The following CLNK variants were observed in gnomAD, a reference collection of about 807,000 sequenced individuals.
CLNK encodes the protein cytokine dependent hematopoietic cell linker.
A neutral mutation model predicts 68.6 loss-of-function variants in CLNK; 74 were observed. That is an observed-to-expected ratio of 1.08 (90% confidence interval 0.89 to 1.31). CLNK has a LOEUF of 1.31. Among genes scored for constraint, CLNK ranks in the 50% most tolerant of loss-of-function variants. The pLI, the probability that CLNK is intolerant of heterozygous loss-of-function variation, is 0.00. For missense variants in CLNK, 553 were observed against 515.3 expected, an observed-to-expected ratio of 1.07 and a Z score of -0.71; for synonymous variants, 198 against 172.2, an observed-to-expected ratio of 1.15 and a Z score of -1.17.
chr4:10,632,407 G>T (rs1178128125), intron 2 of CLNK, among the ~76,000 whole-genome samples: 5 of 152,242 alleles, frequency 3.3e-5, no homozygotes, highest in African/African-American at 1.2e-4. Flanking sequence ...TCAGGAGAGG[G>T]GGAGGGACTT....
At chr4:10,627,039 G>A (rs1179351435) in intron 2 of CLNK, among the ~76,000 whole-genome samples, 1 of 152,178 alleles carries the variant, frequency 6.6e-6, no homozygotes, top group East Asian at 1.9e-4. Context: ...CTACATCAGC[G>A]AGAGGTCAAA....
the CLNK span, among the ~76,000 whole-genome samples, chr4:10,690,604 G>A: frequency 6.6e-6 from 1 of 152,206 alleles, no homozygotes. Context: ...AGGACCTCAT[G>A]AGGCTAACAT....
At chr4:10,670,727 C>A (rs1461177615) in intron 1 of CLNK, among the ~76,000 whole-genome samples, 1 of 152,150 alleles carries the variant, frequency 6.6e-6, no homozygotes, top group African/African-American at 2.4e-5. Context: ...AAAATACAAT[C>A]CATCAATATT....
intron 8 of CLNK, among the ~76,000 whole-genome samples, chr4:10,548,494 G>A (rs1478402398): frequency 6.6e-6 from 1 of 152,184 alleles, no homozygotes. Context: ...CTGTGGAGAA[G>A]CTTTTTAGTT....
At chr4:10,727,297 G>T in the CLNK span, among the ~76,000 whole-genome samples, 1 of 152,176 alleles carries the variant, frequency 6.6e-6, no homozygotes, top group Non-Finnish European at 1.5e-5. Flanking sequence ...TTGCAGGTGG[G>T]GCTCATACTG....
chr4:10,619,143 C>T (rs1385861855), intron 2 of CLNK, among the ~76,000 whole-genome samples: 1 of 152,198 alleles, frequency 6.6e-6, no homozygotes, highest in Non-Finnish European at 1.5e-5. Flanking sequence ...AACTTGGTAA[C>T]ACATTAGTCC....
intron 7 of CLNK, among the ~76,000 whole-genome samples, chr4:10,564,307 C>G (rs1720011219): frequency 6.6e-6 from 1 of 152,180 alleles, no homozygotes; most frequent in South Asian, 2.1e-4. Flanking sequence ...TCATAATTTA[C>G]CATGTTGGGC....
chr4:10,615,585 C>T (rs1722199526), intron 2 of CLNK, among the ~76,000 whole-genome samples: 1 of 152,014 alleles, frequency 6.6e-6, no homozygotes, highest in Admixed American at 6.6e-5. Context: ...CAAAGAAGAG[C>T]CAGTAGAGTT....
the CLNK span, among the ~76,000 whole-genome samples, chr4:10,698,734 A>G: frequency 6.6e-6 from 1 of 152,202 alleles, no homozygotes; most frequent in African/African-American, 2.4e-5. Context: ...TTATGTGTCA[A>G]CTTGACTGGG....
intron 2 of CLNK, among the ~76,000 whole-genome samples, chr4:10,611,804 C>T (rs1722042355): frequency 1.3e-5 from 2 of 152,194 alleles, no homozygotes; most frequent in South Asian, 4.1e-4. Context: ...CTTCTTACTT[C>T]CTCCAATCCA....
At chr4:10,523,013 G>C (rs57723726) in intron 14 of CLNK, among the ~76,000 whole-genome samples, 2,605 of 152,302 alleles carry the variant, frequency 0.017, 80 homozygotes, top group African/African-American at 0.059. Flanking sequence ...AGGAAAGGGA[G>C]GGTGTGGAGA....
At chr4:10,655,962 A>G (rs1317503393) in intron 2 of CLNK, among the ~76,000 whole-genome samples, 1 of 151,904 alleles carries the variant, frequency 6.6e-6, no homozygotes, top group Non-Finnish European at 1.5e-5. Context: ...AGCATTTTTA[A>G]TATATAGAGC....
At chr4:10,675,471 T>C (rs1007133354) in intron 1 of CLNK, among the ~76,000 whole-genome samples, 1 of 152,212 alleles carries the variant, frequency 6.6e-6, no homozygotes, top group African/African-American at 2.4e-5. Context: ...CGCATTTCCT[T>C]GTTACCCTTG....
intron 2 of CLNK, among the ~76,000 whole-genome samples, chr4:10,642,652 C>G (rs771627589): frequency 6.6e-6 from 1 of 152,080 alleles, no homozygotes; most frequent in Non-Finnish European, 1.5e-5. Context: ...GTTTCCTCAT[C>G]TATATGCCAA....
chr4:10,542,592 C>T (rs1250620287), intron 8 of CLNK, among the ~76,000 whole-genome samples: 1 of 151,386 alleles, frequency 6.6e-6, no homozygotes, highest in Non-Finnish European at 1.5e-5. Flanking sequence ...TCTTAAGACC[C>T]CTTTGAAACC....
intron 11 of CLNK, among the ~76,000 whole-genome samples, chr4:10,539,046 T>C (rs1718912485): frequency 6.6e-6 from 1 of 152,258 alleles, no homozygotes; most frequent in Non-Finnish European, 1.5e-5. Flanking sequence ...ATGCTTCCTG[T>C]GCAGCCCATG....
the CLNK span, among the ~76,000 whole-genome samples, chr4:10,722,028 G>A: frequency 2.6e-5 from 4 of 152,076 alleles, no homozygotes; most frequent in South Asian, 8.3e-4. Flanking sequence ...AATACAATTA[G>A]CCAGGCAAGG....
the CLNK span, among the ~76,000 whole-genome samples, chr4:10,701,473 G>T: frequency 1.3e-5 from 2 of 152,286 alleles, no homozygotes; most frequent in Admixed American, 1.3e-4. Flanking sequence ...GACTCTGGGA[G>T]GAAAAATAAA....
chr4:10,502,292 A>G (rs1408449544), intron 17 of CLNK, among the ~76,000 whole-genome samples: 9 of 152,154 alleles, frequency 5.9e-5, no homozygotes, highest in African/African-American at 1.7e-4. Context: ...ACCTTCTCAC[A>G]TGGCAGCAGG....
Sources: allele counts gnomAD v4.1 joint callset (sites outside exome capture counted in the v4.1 genomes callset), GRCh38; gene constraint gnomAD v4.1.1; transcripts MANE v1.5; gene names NCBI Gene and HGNC (gene_info 2026-07-23, HGNC 2026-07-21).